Variants in BTG3 observed in about 807,000 individuals in gnomAD.
The protein encoded by BTG3 is protein BTG3.
In BTG3, 4 loss-of-function variants were observed where a neutral mutation model predicts 25.8. The observed-to-expected ratio is 0.16, with a 90% CI of 0.08 to 0.36. The LOEUF (loss-of-function observed/expected upper bound fraction) is 0.36, where lower values mean the gene tolerates loss of function less well. Ranked by LOEUF, BTG3 falls within the 10% of genes least tolerant of loss-of-function variation. The pLI, the probability that BTG3 is intolerant of heterozygous loss-of-function variation, is 1.00. For missense variants in BTG3, 201 were observed against 304.9 expected (o/e 0.66, Z 2.54); for synonymous variants, 107 against 99.9 (o/e 1.07, Z -0.42).
rs767142948 is a variant in BTG3, at chr21:17,594,227, CAGG to C, written c.622_624del (p.Pro208del). The C allele has an allele frequency of 2.5e-6, 4 of 1,613,318 alleles. No individual in the cohort carries two copies. Among genetic ancestry groups the C allele is most frequent in the East Asian group, 2.2e-5 (1 of 44,850 alleles). On this transcript the variant is annotated inframe_deletion, in exon 5 of 5. Transcript: ENST00000348354. ...CCCTGATTTGGATAACCAAATGGAA[CAGG>C]AGGAGGATAGTGATTCTGATGGCCA...
Position 17,594,314 on chromosome 21 carries a change from G to A in BTG3, c.538C>T (p.Pro180Ser), listed in dbSNP as rs865991301. ...PVYQISELIFPPLPMWHPLPR... is the reference protein window; with the variant it reads ...PVYQISELIFSPLPMWHPLPR... ...AAAGGGTGCCACATTGGAAGAGGTG[G>A]AAATATAAGTTCTGAAATCTGTAGG... Residue 180 changes from proline (P) to serine (S), a missense_variant, in exon 5 of 5, where the codon CCA (proline) becomes TCA (serine). Pro to Ser is a moderately conservative substitution (Grantham distance 74). Around this residue, in one of 2 missense-constraint regions of BTG3, gnomAD observed 131 missense variants for 129.3 expected, o/e 1.01. Transcript: ENST00000348354. 8.7e-6 allele frequency: 14 copies of A among 1,612,826 alleles called. No homozygotes were observed. The highest frequency in any genetic ancestry group is 1.2e-5 in the Non-Finnish European group (14 of 1,179,158).
At chr21:17,607,344 T>C (rs2061657005) in intron 2 of BTG3, among the ~76,000 whole-genome samples, 1 of 152,094 alleles carries the variant, frequency 6.6e-6, no homozygotes, top group Non-Finnish European at 1.5e-5. Context: ...CCTCAACAGT[T>C]CTAACTTAAC....
chr21:17,611,859 A>T (rs960999739), intron 1 of BTG3: 6 of 152,188 alleles, frequency 3.9e-5, no homozygotes, highest in African/African-American at 1.4e-4. Flanking sequence ...CCTCCCTTGT[A>T]ACGAAAAGCT....
At chr21:17,606,425 G>A (rs989312097) in intron 2 of BTG3, among the ~76,000 whole-genome samples, 8 of 152,116 alleles carry the variant, frequency 5.3e-5, no homozygotes, top group African/African-American at 1.9e-4. Context: ...TTTCTAGTAT[G>A]TAAAATACTG....
intron 4 of BTG3, among the ~76,000 whole-genome samples, chr21:17,595,741 C>G (rs902990463): frequency 2.0e-5 from 3 of 151,840 alleles, no homozygotes; most frequent in Non-Finnish European, 4.4e-5. Flanking sequence ...AATAACAGCA[C>G]AGTTAATTCT....
At chr21:17,609,195 A>G in intron 1 of BTG3, 43 bp from the exon 2 acceptor site, 2 of 1,572,532 alleles carry the variant, frequency 1.3e-6, no homozygotes, top group Non-Finnish European at 1.7e-6. Flanking sequence ...CAAAATATAA[A>G]AACTGGGAAG....
rs776863638 is a variant in BTG3, at chr21:17,598,807, T to C, written c.329A>G (p.Asn110Ser). 2 of 1,614,002 alleles carry C rather than the reference T, an allele frequency of 1.2e-6. No homozygotes were observed. Among genetic ancestry groups the C allele is most frequent in the Non-Finnish European group, 1.7e-6 (2 of 1,179,990 alleles). Residue 110 changes from asparagine (N) to serine (S), a missense_variant, in exon 4 of 5, where the codon AAT becomes AGT. By Grantham distance (46) the Asn-to-Ser change is conservative. This residue lies in a region of BTG3 where 70 missense variants were observed against 175.7 expected (regional missense o/e 0.40). Coordinates refer to ENST00000348354, the MANE Select transcript of BTG3 (RefSeq NM_006806.5). ...EVCCRYGEKNNAFIVASFENK... is the reference protein window; with the variant it reads ...EVCCRYGEKNSAFIVASFENK... ...TTCAAAGCTGGCAACAATGAATGCATTGTTTTTCTCTCCATACCTAAGAAT... is the reference window on the plus strand; with the variant it reads ...TTCAAAGCTGGCAACAATGAATGCACTGTTTTTCTCTCCATACCTAAGAAT...
chr21:17,594,149 CAGG>C lies in BTG3; in HGVS notation c.700_702del (p.Pro234del). 1.9e-6 allele frequency: 3 copies of C among 1,613,170 alleles called. No homozygotes were observed. Among genetic ancestry groups the C allele is most frequent in the South Asian group, 1.1e-5 (1 of 91,048 alleles). On this transcript the variant is annotated inframe_deletion, in exon 5 of 5. Transcript: ENST00000348354. ...CAGTGATTCCGGTCACAATGCATTC[CAGG>C]AGGAGGTACCCATGTCACTGGAATT...
intron 4 of BTG3, among the ~76,000 whole-genome samples, chr21:17,598,203 TTATAA>T (rs1299734377): frequency 7.2e-5 from 11 of 152,012 alleles, no homozygotes; most frequent in Admixed American, 7.2e-4. Flanking sequence ...AAAATATTAA[TTATAA>T]TATAATAAAT....
chr21:17,612,416 C>G (rs951312994), intron 1 of BTG3: 6 of 152,244 alleles, frequency 3.9e-5, no homozygotes, highest in Admixed American at 2.6e-4. Flanking sequence ...CGGAATGTAA[C>G]GCGCTGTGGG....
rs1413727407 is a variant in BTG3, at chr21:17,612,843, C to T, written c.-153G>A. The T allele has an allele frequency of 6.6e-6, 1 of 152,116 alleles. No homozygotes were observed. Among genetic ancestry groups the T allele is most frequent in the Non-Finnish European group, 1.5e-5 (1 of 68,038 alleles). 9.4% of individuals were successfully genotyped at this position (152,116 alleles called of 1,614,324 possible). On this transcript the variant is annotated 5_prime_UTR_variant, in exon 1 of 5. Transcript: ENST00000348354. ...CGTCCGGCGCGTGCGGCTCCCGCGT[C>T]GTCGGGCGGCCAAGCGCGCGTTGAG...
intron 1 of BTG3, among the ~76,000 whole-genome samples, chr21:17,610,741 C>T (rs954179527): frequency 6.6e-6 from 1 of 152,216 alleles, no homozygotes; most frequent in Non-Finnish European, 1.5e-5. Flanking sequence ...TAAAAACATA[C>T]AGCCTCTGCT....
At chr21:17,611,395 C>T (rs1290415628) in intron 1 of BTG3, among the ~76,000 whole-genome samples, 2 of 152,128 alleles carry the variant, frequency 1.3e-5, no homozygotes, top group African/African-American at 2.4e-5. Context: ...TGCTCTGCTT[C>T]ATATAAAAAA....
At chr21:17,594,422 C>G (rs2061477239) in intron 4 of BTG3, 90 bp from the exon 5 acceptor site, 2 of 1,429,752 alleles carry the variant, frequency 1.4e-6, no homozygotes, top group Non-Finnish European at 1.9e-6. Flanking sequence ...CAAAGTTACC[C>G]ACAACACTGA....
intron 4 of BTG3, among the ~76,000 whole-genome samples, chr21:17,595,203 G>C (rs2061489244): frequency 1.3e-5 from 2 of 151,996 alleles, no homozygotes. Flanking sequence ...ATTATTCAAA[G>C]TGTTCTTATC....
rs570037050 is a variant in BTG3, at chr21:17,599,027, G to A, written c.312-203C>T. The A allele has an allele frequency of 8.6e-6, 4 of 466,530 alleles. No individual in the cohort carries two copies. In the South Asian group the frequency reaches 1.8e-4, roughly 21 times the overall value. 28.9% of individuals were successfully genotyped at this position (466,530 alleles called of 1,614,324 possible). A position where few individuals can be genotyped will look rare whatever the true frequency, so the allele number is the denominator to read the frequency against. On this transcript the variant is annotated intron_variant, in intron 3 of 4. Transcript: ENST00000348354. ...AGTTTTCTACTTCTGGTCTATTTAA[G>A]TATTCATAAACATAACCCCATTTTC...
chr21:17,610,794 C>G (rs2061710531), intron 1 of BTG3, among the ~76,000 whole-genome samples: 2 of 152,198 alleles, frequency 1.3e-5, no homozygotes, highest in African/African-American at 4.8e-5. Context: ...AGTTTGTGTT[C>G]CCACATTTCC....
rs2061684302 is a variant in BTG3, at chr21:17,609,106, T to C, written c.39A>G (p.Thr13=). 1 of 1,613,324 alleles carries C rather than the reference T, an allele frequency of 6.2e-7. No individual in the cohort carries two copies. Among genetic ancestry groups the C allele is most frequent in the Non-Finnish European group, 8.5e-7 (1 of 1,179,890 alleles). ...NEIAAVVFFF[T]RLVRKHDKLK... ...ACTTATCATGTTTTCGAACTAGCCT[T>C]GTGAAAAAGAAGACAACGGCAGCAA... The change falls in exon 2 of 5, where the codon ACA becomes ACG. Residue 13 remains threonine (T), a synonymous_variant. Transcript: ENST00000348354.
In BTG3 at chr21:17,593,801, T is replaced by G. The variant is rs374710526; in HGVS notation, c.*292A>C. ...AAGGTGCTAGAACAAATCGTCCACT[T>G]CTACAGTGTTCTCGTATCCAACAGA... On this transcript the variant is annotated 3_prime_UTR_variant, in exon 5 of 5. Transcript: ENST00000348354. 14 of 319,762 alleles carry G rather than the reference T, an allele frequency of 4.4e-5. No homozygotes were observed. The highest frequency in any genetic ancestry group is 9.2e-4 in the Middle Eastern group (1 of 1,088). 19.8% of individuals were successfully genotyped at this position (319,762 alleles called of 1,614,324 possible).
Sources: allele counts gnomAD v4.1 joint callset (sites outside exome capture counted in the v4.1 genomes callset), GRCh38; gene constraint gnomAD v4.1.1; regional missense constraint gnomAD v4.1.1; transcripts MANE v1.5; gene names NCBI Gene and HGNC (gene_info 2026-07-23, HGNC 2026-07-21).